ATP9A: variants seen among roughly 807,000 people sequenced by gnomAD.
ATP9A encodes the protein probable phospholipid-transporting ATPase IIA.
Under a neutral mutation model 144.1 loss-of-function variants are expected in ATP9A, and 52 were observed. That is an observed-to-expected ratio of 0.36 (90% CI 0.29 to 0.45). The LOEUF is 0.45. Ranked by LOEUF, ATP9A falls within the 20% of genes least tolerant of loss-of-function variation. The pLI is 1.00. For missense variants in ATP9A, 947 were observed against 1,392.7 expected (o/e 0.68, Z 5.09); for synonymous variants, 582 against 557.4 (o/e 1.04, Z -0.62).
chr20:51,656,764 C>G (rs185660239), intron 14 of ATP9A, among the ~76,000 whole-genome samples, 174 bp downstream of exon 14: 14 of 152,246 alleles, frequency 9.2e-5, no homozygotes, highest in African/African-American at 3.4e-4. Flanking sequence ...CAAGGCTATT[C>G]TTTTTAGAGG....
chr20:51,696,884 A>T (rs981510048), intron 5 of ATP9A, among the ~76,000 whole-genome samples: 2 of 152,174 alleles, frequency 1.3e-5, no homozygotes, highest in Non-Finnish European at 2.9e-5. Flanking sequence ...CCAAATATAC[A>T]CACTAGAAAA....
chr20:51,721,800 CAAAAAAA>C (rs1159903304), intron 3 of ATP9A, among the ~76,000 whole-genome samples: 1 of 86,884 alleles, frequency 1.2e-5, no homozygotes, highest in Non-Finnish European at 2.3e-5. Flanking sequence ...GACTCCATCT[CAAAAAAA>C]AAAAAAAAGA....
chr20:51,687,413 G>A (rs140610696), intron 9 of ATP9A, among the ~76,000 whole-genome samples: 3 of 152,296 alleles, frequency 2.0e-5, no homozygotes, highest in Non-Finnish European at 2.9e-5. Flanking sequence ...AGTTTGTGCT[G>A]CTTCATTCCC....
intron 13 of ATP9A, among the ~76,000 whole-genome samples, chr20:51,664,072 T>C (rs906573123): frequency 2.0e-5 from 3 of 152,018 alleles, no homozygotes; most frequent in African/African-American, 7.2e-5. Context: ...CTGGGTGCAG[T>C]GGCATGATCT....
At chr20:51,650,860 C>T (rs1314846225) in intron 14 of ATP9A, among the ~76,000 whole-genome samples, 1 of 151,690 alleles carries the variant, frequency 6.6e-6, no homozygotes, top group Non-Finnish European at 1.5e-5. Context: ...CATCCATGTG[C>T]ACACACATAC....
At chr20:51,638,111 A>ATATATATATATATGTATG (rs2077302391) in intron 15 of ATP9A, among the ~76,000 whole-genome samples, 1 of 85,336 alleles carries the variant, frequency 1.2e-5, no homozygotes, top group African/African-American at 5.1e-5. Flanking sequence ...ATATATATAT[A>ATATATATATATATGTATG]TATATATATA....
chr20:51,700,818 G>T (rs778199588), intron 4 of ATP9A, among the ~76,000 whole-genome samples: 1 of 152,146 alleles, frequency 6.6e-6, no homozygotes, highest in African/African-American at 2.4e-5. Context: ...CAACAAGAGC[G>T]AAACTCCGTC....
intron 5 of ATP9A, 62 bp from the exon 6 acceptor site, chr20:51,696,206 G>T: frequency 6.5e-7 from 1 of 1,534,426 alleles, no homozygotes; most frequent in Non-Finnish European, 9.0e-7. Flanking sequence ...GCGGTGGGGA[G>T]GGGGGCTTCC....
intron 4 of ATP9A, among the ~76,000 whole-genome samples, chr20:51,699,696 G>A (rs935091421): frequency 4.6e-5 from 7 of 151,874 alleles, no homozygotes; most frequent in Non-Finnish European, 7.4e-5. Flanking sequence ...AGGCTGGAGT[G>A]CAGTGGCATG....
chr20:51,709,712 G>A (rs1487189443), intron 4 of ATP9A, among the ~76,000 whole-genome samples: 5 of 152,202 alleles, frequency 3.3e-5, no homozygotes, highest in African/African-American at 1.2e-4. Flanking sequence ...GGGTGACACA[G>A]TGAGATCCTG....
rs147548010 is a variant in ATP9A at position 51,656,965 on chromosome 20, G to A, written c.1479C>T (p.Arg493=). The change falls in exon 14 of 28, where the codon CGC becomes CGT. Residue 493 remains arginine, a synonymous_variant. Transcript: ENST00000338821. The part of the protein sequence containing the change: ...EAEKQYEDSC[R]VYQASSPDEV... ...CATCGGGGCTGGATGCCTGGTATAC[G>A]CGGCAGGAGTCTTCGTACTGCTTCT... 2.1e-4 allele frequency: 347 copies of A among 1,614,016 alleles called. 3 individuals carry two copies. In the South Asian group the frequency reaches 3.5e-3, roughly 16 times the overall value.
rs1375020301 is a variant in ATP9A at position 51,729,467 on chromosome 20, G to A, written c.213+367C>T. Among the ~76,000 whole-genome samples, 8 of 152,234 alleles carry A rather than the reference G, an allele frequency of 5.3e-5. No homozygotes were observed. In the South Asian group the frequency reaches 1.0e-3, roughly 20 times the overall value. ...CTCAGTCTTTTAAGACTGTACCGGCGGGCAAGGTGGCTCACATCTGTAATC... is the reference window on the plus strand; with the variant it reads ...CTCAGTCTTTTAAGACTGTACCGGCAGGCAAGGTGGCTCACATCTGTAATC... On this transcript the variant is annotated intron_variant, in intron 2 of 27. Coordinates refer to ENST00000338821, the MANE Select transcript of ATP9A (RefSeq NM_006045.3).
intron 10 of ATP9A, among the ~76,000 whole-genome samples, chr20:51,675,867 G>C (rs1219868970): frequency 6.4e-5 from 9 of 140,888 alleles, no homozygotes; most frequent in Admixed American, 5.8e-4. Context: ...GCAACAAAGT[G>C]AGACCCTGTC....
chr20:51,718,960 T>C (rs1461396925), intron 3 of ATP9A, among the ~76,000 whole-genome samples: 4 of 150,640 alleles, frequency 2.7e-5, no homozygotes, highest in Admixed American at 6.6e-5. Flanking sequence ...AAACCCCATC[T>C]CTACTAAAAA....
chr20:51,656,842 T>C, intron 14 of ATP9A, 96 bp downstream of exon 14: 1 of 1,158,988 alleles, frequency 8.6e-7, no homozygotes. Flanking sequence ...GGCTCCTGTC[T>C]GCCCTGACAC....
In ATP9A at chr20:51,718,814, CAAAAAAAAAAAAAAAAAA is replaced by C. The variant is rs71192550; in HGVS notation, c.328-5758_328-5741del. Among the ~76,000 whole-genome samples, 4 of 57,708 alleles carry C rather than the reference CAAAAAAAAAAAAAAAAAA, an allele frequency of 6.9e-5. 1 individual carries two copies. The highest frequency in any genetic ancestry group is 4.3e-4 in the Admixed American group (2 of 4,690). The allele number at this position is 57,708 out of a possible 152,430, so 37.9% of individuals were successfully genotyped here. A position where few individuals can be genotyped will look rare whatever the true frequency, so the allele number is the denominator to read the frequency against. ...TGGGCAACAGAGCAAGACTCCATCT[CAAAAAAAAAAAAAAAAAA>C]AAAAAAAAAAAAACAGGCCGGGTGC... On this transcript the variant is annotated intron_variant, in intron 3 of 27. Transcript: ENST00000338821.
rs1171010014 is a variant in ATP9A, at chr20:51,600,719, C to T, written c.*492G>A. ...AATGTCACTGTCTTTTCCTCCCAAA[C>T]CGACACCAAGAGCTTTCTATTTTTC... On this transcript the variant is annotated 3_prime_UTR_variant, in exon 28 of 28. Coordinates refer to ENST00000338821, the MANE Select transcript of ATP9A (RefSeq NM_006045.3). The T allele has an allele frequency of 6.6e-6, 1 of 152,114 alleles. No individual in the cohort carries two copies. The highest frequency in any genetic ancestry group is 6.6e-5 in the Admixed American group (1 of 15,252). 9.4% of individuals were successfully genotyped at this position (152,114 alleles called of 1,614,324 possible).
chr20:51,706,963 T>A (rs1479131125), intron 4 of ATP9A, among the ~76,000 whole-genome samples: 1 of 152,164 alleles, frequency 6.6e-6, no homozygotes, highest in Admixed American at 6.5e-5. Context: ...AGGTTCTCAC[T>A]GGCCTGTGTG....
Position 51,696,073 on chromosome 20 carries a change from A to G in ATP9A, c.547+20T>C, listed in dbSNP as rs1414030524. 1 of 1,605,600 alleles carries G rather than the reference A, an allele frequency of 6.2e-7. No homozygotes were observed. The highest frequency in any genetic ancestry group is 8.5e-7 in the Non-Finnish European group (1 of 1,172,410). On this transcript the variant is annotated intron_variant, in intron 6 of 27. Coordinates refer to ENST00000338821, the MANE Select transcript of ATP9A (RefSeq NM_006045.3). Reference sequence around the variant, plus strand: ...CTGAAAGGTTAATGGTTATTTTCCAAATTGATCTCAGATGTTTACCGTTTT... The same window carrying G: ...CTGAAAGGTTAATGGTTATTTTCCAGATTGATCTCAGATGTTTACCGTTTT...
Sources: allele counts gnomAD v4.1 joint callset (sites outside exome capture counted in the v4.1 genomes callset), GRCh38; gene constraint gnomAD v4.1.1; transcripts MANE v1.5; gene names NCBI Gene and HGNC (gene_info 2026-07-23, HGNC 2026-07-21).